DLG2: variants seen among roughly 807,000 people sequenced by gnomAD.
DLG2 encodes disks large homolog 2.
A neutral mutation model predicts 132.5 loss-of-function variants in DLG2; 45 were observed. The observed-to-expected ratio is 0.34, with a 90% CI of 0.27 to 0.44. The LOEUF (loss-of-function observed/expected upper bound fraction) is 0.44. Among genes scored for constraint, DLG2 ranks in the 20% least tolerant of loss-of-function variants. The pLI, the probability that DLG2 is intolerant of heterozygous loss-of-function variation, is 1.00. For missense variants in DLG2, 1,045 were observed against 1,196.9 expected, an observed-to-expected ratio of 0.87 and a Z score of 1.87; for synonymous variants, 424 against 419.6, an observed-to-expected ratio of 1.01 and a Z score of -0.13.
intron 3 of DLG2, among the ~76,000 whole-genome samples, chr11:85,483,813 G>A (rs1480199605): frequency 1.3e-5 from 2 of 151,408 alleles, no homozygotes; most frequent in South Asian, 2.1e-4. Flanking sequence ...GCATGGTGGA[G>A]GGCACCTGTA....
intron 19 of DLG2, among the ~76,000 whole-genome samples, chr11:83,571,950 A>C (rs1393973360): frequency 2.6e-5 from 4 of 152,056 alleles, no homozygotes; most frequent in Non-Finnish European, 5.9e-5. Flanking sequence ...TCACAATATA[A>C]TGCTAAGTAA....
chr11:84,373,956 G>A (rs995327996), intron 7 of DLG2, among the ~76,000 whole-genome samples: 2 of 152,132 alleles, frequency 1.3e-5, no homozygotes, highest in Non-Finnish European at 2.9e-5. Context: ...AAATGTATAT[G>A]AAAAGTTATT....
At chr11:84,213,382 A>G (rs775546680) in intron 8 of DLG2, among the ~76,000 whole-genome samples, 66 of 152,216 alleles carry the variant, frequency 4.3e-4, no homozygotes, top group Non-Finnish European at 8.5e-4. Context: ...GGCTCAACAA[A>G]TGTCTATTGA....
At chr11:84,030,868 G>A (rs934670628) in intron 11 of DLG2, among the ~76,000 whole-genome samples, 1 of 152,080 alleles carries the variant, frequency 6.6e-6, no homozygotes, top group Admixed American at 6.6e-5. Flanking sequence ...AACTGACAAG[G>A]GGTGCTCATT....
At chr11:84,881,627 T>TA (rs2087361790) in intron 6 of DLG2, among the ~76,000 whole-genome samples, 1 of 152,088 alleles carries the variant, frequency 6.6e-6, no homozygotes. Flanking sequence ...TAAATGCCCA[T>TA]AGCTTTCCCC....
intron 19 of DLG2, among the ~76,000 whole-genome samples, chr11:83,555,384 G>C (rs898627790): frequency 6.6e-6 from 1 of 152,204 alleles, no homozygotes; most frequent in Non-Finnish European, 1.5e-5. Context: ...CTGGCTTTAG[G>C]GTGGAGAATG....
intron 4 of DLG2, among the ~76,000 whole-genome samples, chr11:85,250,445 T>C (rs1198914911): frequency 6.6e-6 from 1 of 152,206 alleles, no homozygotes; most frequent in African/African-American, 2.4e-5. Flanking sequence ...CACTGTTTTT[T>C]AATAAAAGAA....
At chr11:83,659,635 G>T (rs953297735) in intron 18 of DLG2, among the ~76,000 whole-genome samples, 3 of 152,194 alleles carry the variant, frequency 2.0e-5, no homozygotes, top group African/African-American at 7.2e-5. Flanking sequence ...GTGGTGTAGG[G>T]ATTACTCTCA....
intron 12 of DLG2, among the ~76,000 whole-genome samples, chr11:83,976,562 A>C (rs911139592): frequency 7.2e-5 from 11 of 151,880 alleles, no homozygotes; most frequent in African/African-American, 2.7e-4. Flanking sequence ...TTTGGGTTGA[A>C]GCAAGATAAT....
chr11:84,593,311 T>A (rs942149585), intron 6 of DLG2, among the ~76,000 whole-genome samples: 1 of 152,118 alleles, frequency 6.6e-6, no homozygotes, highest in Non-Finnish European at 1.5e-5. Context: ...CCCAAAGGAT[T>A]ATAAATCATT....
intron 6 of DLG2, among the ~76,000 whole-genome samples, chr11:84,667,504 T>TTTTG (rs1555150399): frequency 6.9e-6 from 1 of 144,514 alleles, no homozygotes; most frequent in Non-Finnish European, 1.5e-5. Context: ...TTTTGTTTTT[T>TTTTG]TTTTTTTTTT....
At chr11:84,153,781 T>C (rs1281873713) in intron 9 of DLG2, among the ~76,000 whole-genome samples, 2 of 152,212 alleles carry the variant, frequency 1.3e-5, no homozygotes, top group East Asian at 3.9e-4. Context: ...CTGAATCTTG[T>C]TGTGTTTCCT....
intron 6 of DLG2, among the ~76,000 whole-genome samples, chr11:84,728,301 G>A (rs745962722): frequency 6.6e-6 from 1 of 152,106 alleles, no homozygotes; most frequent in Non-Finnish European, 1.5e-5. Context: ...TAGCATGAAG[G>A]GGTGTTGAAT....
At chr11:83,894,648 G>A (rs1188116519) in intron 15 of DLG2, among the ~76,000 whole-genome samples, 2 of 152,032 alleles carry the variant, frequency 1.3e-5, no homozygotes, top group East Asian at 1.9e-4. Flanking sequence ...TCTTTGTGTC[G>A]AGAACATGAC....
intron 6 of DLG2, among the ~76,000 whole-genome samples, chr11:84,550,896 C>T (rs905597141): frequency 6.6e-6 from 1 of 152,134 alleles, no homozygotes; most frequent in Non-Finnish European, 1.5e-5. Flanking sequence ...GCTCTTTGAG[C>T]TCCCTTTTTC....
At chr11:84,077,283 G>A (rs1266388015) in intron 10 of DLG2, among the ~76,000 whole-genome samples, 1 of 151,900 alleles carries the variant, frequency 6.6e-6, no homozygotes, top group Non-Finnish European at 1.5e-5. Context: ...TCCTCACAAA[G>A]CCCCTACCAA....
chr11:85,533,137 C>T (rs1310072466), intron 3 of DLG2, among the ~76,000 whole-genome samples: 1 of 152,112 alleles, frequency 6.6e-6, no homozygotes, highest in Non-Finnish European at 1.5e-5. Flanking sequence ...AATTCCCCTG[C>T]TTCAGCCTCC....
At chr11:84,579,323 T>C (rs1350889399) in intron 6 of DLG2, among the ~76,000 whole-genome samples, 2 of 152,194 alleles carry the variant, frequency 1.3e-5, no homozygotes, top group East Asian at 3.9e-4. Flanking sequence ...CCTTAGCCAA[T>C]TGCACTTTTA....
intron 17 of DLG2, among the ~76,000 whole-genome samples, chr11:83,831,168 G>A (rs1278694627): frequency 2.6e-5 from 4 of 152,132 alleles, no homozygotes; most frequent in Admixed American, 1.3e-4. Flanking sequence ...TTCAGAGACC[G>A]TACCACCTAG....
Sources: gnomAD v4.1 joint callset for allele counts (sites outside exome capture counted in the v4.1 genomes callset) on GRCh38, gnomAD v4.1.1 for gene constraint, MANE v1.5 for transcripts, NCBI Gene and HGNC (gene_info 2026-07-23, HGNC 2026-07-21) for gene names.